Variants in ASXL2 observed in about 807,000 individuals in gnomAD.
The protein encoded by ASXL2 is putative Polycomb group protein ASXL2.
Under a neutral mutation model 122.0 loss-of-function variants are expected in ASXL2, and 23 were observed. The ratio of observed to expected loss-of-function variants is 0.19; its 90% CI spans 0.14 to 0.27. ASXL2 has a LOEUF of 0.27. Among genes scored for constraint, ASXL2 ranks in the 10% least tolerant of loss-of-function variants. The probability of loss-of-function intolerance (pLI) is 1.00; values close to 1 mark genes in which losing one functional copy is unlikely to be tolerated. For missense variants in ASXL2, 1,518 were observed against 1,713.8 expected (o/e 0.89, Z 2.02); for synonymous variants, 650 against 637.0 (o/e 1.02, Z -0.31).
intron 1 of ASXL2, among the ~76,000 whole-genome samples, chr2:25,852,777 G>A (rs1181211092): frequency 6.6e-6 from 1 of 152,190 alleles, no homozygotes; most frequent in African/African-American, 2.4e-5. Flanking sequence ...TAAGGTTTAG[G>A]TGGTCAACAA....
chr2:25,878,062 C>T, intron 1 of ASXL2, 104 bp downstream of exon 1: 16 of 1,475,086 alleles, frequency 1.1e-5, no homozygotes, highest in Middle Eastern at 1.7e-4. Context: ...GTTTTGTGCC[C>T]CTTCAGCCGG....
chr2:25,872,407 A>C (rs2089969060), intron 1 of ASXL2, among the ~76,000 whole-genome samples: 1 of 152,104 alleles, frequency 6.6e-6, no homozygotes, highest in Admixed American at 6.6e-5. Flanking sequence ...ATTAAAACTT[A>C]AATAAATTCC....
At chr2:25,869,576 C>T (rs1480869928) in intron 1 of ASXL2, among the ~76,000 whole-genome samples, 1 of 152,070 alleles carries the variant, frequency 6.6e-6, no homozygotes, top group Non-Finnish European at 1.5e-5. Flanking sequence ...AATCCCAGAA[C>T]TTTGGGAGGT....
chr2:25,845,275 G>T (rs1297700023), intron 2 of ASXL2: 2 of 775,154 alleles, frequency 2.6e-6, no homozygotes, highest in Admixed American at 2.0e-5. Flanking sequence ...TACCCTCTAA[G>T]AATTGGTTTT....
chr2:25,847,859 G>A (rs2089666988), intron 1 of ASXL2, among the ~76,000 whole-genome samples: 1 of 152,172 alleles, frequency 6.6e-6, no homozygotes, highest in Admixed American at 6.6e-5. Flanking sequence ...GATAATTATA[G>A]AAGGTAAATG....
At chr2:25,856,219 G>C (rs1382933393) in intron 1 of ASXL2, among the ~76,000 whole-genome samples, 1 of 151,566 alleles carries the variant, frequency 6.6e-6, no homozygotes, top group Non-Finnish European at 1.5e-5. Flanking sequence ...ACCATGCCCA[G>C]CTAATTTTTG....
chr2:25,808,589 C>A (rs1167450414), intron 3 of ASXL2, among the ~76,000 whole-genome samples: 1 of 152,204 alleles, frequency 6.6e-6, no homozygotes, highest in African/African-American at 2.4e-5. Flanking sequence ...ACCTCAGCCT[C>A]CCAGAGTGCT....
At position 25,744,026 on chromosome 2, in the gene ASXL2, C is replaced by T. The variant is rs777111269; in HGVS notation, c.2311G>A (p.Ala771Thr). The change falls in exon 13 of 13, where the codon GCA (alanine) becomes ACA (threonine). Residue 771 changes from alanine to threonine, a missense_variant. Coordinates refer to ENST00000435504, the MANE Select transcript of ASXL2 (RefSeq NM_018263.6). This position sits in a 1 kb window ranked among gnomAD's most constrained non-coding sequence, Gnocchi z 4.7. ...ACTGGGGGGGTTTGCTGTAGTTGTG[C>T]TCCAGAGACACTATGAGGCTGTGCC... is the stretch of plus-strand genomic sequence containing the variant. ...SQAQPHSVSG[A>T]QLQQTPPVPP... 1 of 1,613,988 alleles carries T rather than the reference C, an allele frequency of 6.2e-7. No homozygotes were observed. Among genetic ancestry groups the T allele is most frequent in the East Asian group, 2.2e-5 (1 of 44,890 alleles).
At chr2:25,832,277 G>A (rs2089463879) in intron 3 of ASXL2, among the ~76,000 whole-genome samples, 2 of 152,214 alleles carry the variant, frequency 1.3e-5, no homozygotes, top group African/African-American at 4.8e-5. Flanking sequence ...CACTTAGAGT[G>A]GTAAAATGAT....
intron 5 of ASXL2, 105 bp from the exon 6 acceptor site, chr2:25,771,645 A>C: frequency 1.1e-6 from 1 of 880,916 alleles, no homozygotes; most frequent in Non-Finnish European, 1.7e-6. Flanking sequence ...CTATGACCAA[A>C]CACTTTTGGG....
rs903480694 is a variant in ASXL2 at position 25,744,850 on chromosome 2, C to G, written c.1861-374G>C. ...GTTTGAGAAAGAAGAGAAAAGCAAG[C>G]AAGCCAGCCACCCATACCACTACTG... On this transcript the variant is annotated intron_variant, in intron 12 of 12. Coordinates refer to ENST00000435504, the MANE Select transcript of ASXL2 (RefSeq NM_018263.6). This position sits in a 1 kb window ranked among gnomAD's most constrained non-coding sequence, Gnocchi z 4.7. Among the ~76,000 whole-genome samples the G allele has an allele frequency of 1.3e-5, 2 of 151,930 alleles. No homozygotes were observed. Among genetic ancestry groups the G allele is most frequent in the African/African-American group, 4.8e-5 (2 of 41,348 alleles).
At chr2:25,821,201 T>C (rs1270789378) in intron 3 of ASXL2, among the ~76,000 whole-genome samples, 2 of 151,374 alleles carry the variant, frequency 1.3e-5, no homozygotes, top group East Asian at 3.9e-4. Context: ...ATCAAAAAAA[T>C]AAATAAATAG....
chr2:25,758,981 G>T (rs2088189547), intron 9 of ASXL2, among the ~76,000 whole-genome samples: 2 of 151,480 alleles, frequency 1.3e-5, no homozygotes, highest in Admixed American at 1.3e-4. Context: ...TTGAGATGGA[G>T]TTTCACTCTG....
chr2:25,741,916 G>A lies in ASXL2; in HGVS notation c.*113C>T. ...TCCTGATTAAGTAACATTTGTCTCT[G>A]AAGACAACTGAAACCTACTTGTTTA... is the stretch of plus-strand genomic sequence containing the variant. On this transcript the variant is annotated 3_prime_UTR_variant, in exon 13 of 13. Coordinates refer to ENST00000435504, the MANE Select transcript of ASXL2 (RefSeq NM_018263.6). 1 of 1,032,904 alleles carries A rather than the reference G, an allele frequency of 9.7e-7. No individual in the cohort carries two copies. Among genetic ancestry groups the A allele is most frequent in the South Asian group, 1.7e-5 (1 of 60,422 alleles). 64.0% of individuals were successfully genotyped at this position (1,032,904 alleles called of 1,614,324 possible).
At chr2:25,843,641 C>G (rs2089613856) in intron 2 of ASXL2, among the ~76,000 whole-genome samples, 1 of 151,198 alleles carries the variant, frequency 6.6e-6, no homozygotes, top group Non-Finnish European at 1.5e-5. Context: ...TAAAAAAACT[C>G]AACTAGAATT....
At chr2:25,755,257 A>G (rs1258444087) in intron 10 of ASXL2, among the ~76,000 whole-genome samples, 2 of 152,224 alleles carry the variant, frequency 1.3e-5, no homozygotes, top group Admixed American at 6.5e-5. Context: ...AAGCTCTGAC[A>G]CTAACCCAGA....
At position 25,759,465 on chromosome 2, in the gene ASXL2, G is replaced by A. The variant is rs747758295; in HGVS notation, c.939+17C>T. On this transcript the variant is annotated intron_variant, in intron 9 of 12. Transcript: ENST00000435504. ...TAAACAGCTATTTTTAAAATCTTAA[G>A]GAGTTCAATGACGCACCTGTCGATC... 1.9e-6 allele frequency: 3 copies of A among 1,609,924 alleles called. No homozygotes were observed. Among genetic ancestry groups the A allele is most frequent in the Non-Finnish European group, 8.5e-7 (1 of 1,177,202 alleles).
chr2:25,874,776 G>A (rs2089997478), intron 1 of ASXL2, among the ~76,000 whole-genome samples: 2 of 151,998 alleles, frequency 1.3e-5, no homozygotes, highest in East Asian at 1.9e-4. Context: ...CATCACTACT[G>A]CCCTTAAAAT....
At chr2:25,842,485 C>T (rs981047886) in intron 2 of ASXL2, among the ~76,000 whole-genome samples, 3 of 151,912 alleles carry the variant, frequency 2.0e-5, no homozygotes, top group African/African-American at 7.3e-5. Flanking sequence ...TATTTATTTA[C>T]TATTCCTGCT....
Sources: allele counts gnomAD v4.1 joint callset (sites outside exome capture counted in the v4.1 genomes callset), GRCh38; gene constraint gnomAD v4.1.1; non-coding constraint Gnocchi (gnomAD v3.1); transcripts MANE v1.5; gene names NCBI Gene and HGNC (gene_info 2026-07-23, HGNC 2026-07-21).